Variants in DMD observed in about 807,000 individuals in gnomAD.
The protein encoded by DMD is dystrophin, also known as mutant dystrophin.
In DMD, 63 loss-of-function variants were observed where a neutral mutation model predicts 330.1. The observed-to-expected ratio is 0.19, with a 90% CI of 0.16 to 0.24. The LOEUF is 0.24. DMD is among the 10% of genes least tolerant of loss of function. The pLI is 1.00. For missense variants in DMD, 3,344 were observed against 2,684.1 expected (o/e 1.25, Z -5.43); for synonymous variants, 1,223 against 959.8 (o/e 1.27, Z -5.07).
At chrX:32,739,968 C>T (rs1249519535) in intron 7 of DMD, among the ~76,000 whole-genome samples, 1 of 110,336 alleles carries the variant, frequency 9.1e-6, no homozygotes, top group African/African-American at 3.3e-5. Context: ...GCCATTAAGT[C>T]TATTCACCAA....
At chrX:32,031,332 T>G (rs890784855) in intron 44 of DMD, among the ~76,000 whole-genome samples, 1 of 111,420 alleles carries the variant, frequency 9.0e-6, no homozygotes, top group African/African-American at 3.3e-5. Context: ...TCCTTGATTT[T>G]TATTAGTCCA....
rs138869877 is a variant in DMD, at chrX:32,905,140, A to G, written c.94-55320T>C. ...AATTTTACATTATTTTGCGACAGAA[A>G]TACAAGTTTTGTTACTGATTAGAGA... On this transcript the variant is annotated intron_variant, in intron 2 of 78. Transcript: ENST00000357033. Among the ~76,000 whole-genome samples the G allele has an allele frequency of 3.5e-3, 391 of 111,990 alleles. 1 individual carries two copies. Among genetic ancestry groups the G allele is most frequent in the African/African-American group, 0.012 (366 of 30,812 alleles).
intron 38 of DMD, 112 bp downstream of exon 38, chrX:32,348,294 C>A (rs2097770591): frequency 1.3e-6 from 1 of 775,648 alleles, no homozygotes; most frequent in Middle Eastern, 3.0e-4. Flanking sequence ...TCATTAGAAT[C>A]ATAAAATGTG....
At chrX:31,756,163 A>C (rs113556416) in intron 51 of DMD, among the ~76,000 whole-genome samples, 2 of 111,305 alleles carry the variant, frequency 1.8e-5, no homozygotes, top group African/African-American at 6.5e-5. Context: ...CTGGGGGCTC[A>C]TCTGAGCTGC....
chrX:32,544,468 G>C (rs1343098561), intron 17 of DMD, among the ~76,000 whole-genome samples: 1 of 111,327 alleles, frequency 9.0e-6, no homozygotes, highest in Non-Finnish European at 1.9e-5. Context: ...GAATGAAAGG[G>C]AAATTGTACC....
chrX:33,076,303 G>A (rs1033442190), intron 1 of DMD, among the ~76,000 whole-genome samples: 3 of 111,633 alleles, frequency 2.7e-5, no homozygotes, highest in South Asian at 3.7e-4. Context: ...TAAAACTCCA[G>A]TCTCCCATAC....
chrX:32,120,320 T>G (rs1001568310), intron 44 of DMD, among the ~76,000 whole-genome samples: 1 of 111,950 alleles, frequency 8.9e-6, no homozygotes, highest in Non-Finnish European at 1.9e-5. Flanking sequence ...GAAATGCAAA[T>G]TCTGGACCTG....
At chrX:31,171,234 A>G (rs1334734839) in intron 73 of DMD, among the ~76,000 whole-genome samples, 1 of 112,115 alleles carries the variant, frequency 8.9e-6, no homozygotes, top group Non-Finnish European at 1.9e-5. Flanking sequence ...TCATATACAA[A>G]TGACTGAGGG....
intron 52 of DMD, among the ~76,000 whole-genome samples, chrX:31,694,933 GA>G (rs2083361349): frequency 9.1e-6 from 1 of 109,816 alleles, no homozygotes. Flanking sequence ...ATACTCAAAA[GA>G]AAAGGAGGGA....
At chrX:33,254,778 A>G (rs2052829166) in intron 1 of DMD, among the ~76,000 whole-genome samples, 1 of 110,561 alleles carries the variant, frequency 9.0e-6, no homozygotes, top group South Asian at 3.7e-4. Flanking sequence ...GGTTTTGGAT[A>G]AAGGTTTTGA....
intron 12 of DMD, among the ~76,000 whole-genome samples, chrX:32,604,415 C>T (rs1156717984): frequency 9.1e-6 from 1 of 109,962 alleles, no homozygotes; most frequent in Non-Finnish European, 1.9e-5. Context: ...TAACAAAAGT[C>T]ATATATGACA....
At chrX:31,155,116 T>C (rs2037952300) in intron 74 of DMD, among the ~76,000 whole-genome samples, 1 of 112,612 alleles carries the variant, frequency 8.9e-6, no homozygotes, top group East Asian at 2.8e-4. Context: ...TTCCCTTAAC[T>C]CAACCTGCTG....
intron 60 of DMD, among the ~76,000 whole-genome samples, chrX:31,409,586 A>G (rs1419374059): frequency 1.8e-5 from 2 of 112,119 alleles, no homozygotes; most frequent in Admixed American, 1.9e-4. Flanking sequence ...AGTATAAGTA[A>G]TAGCTACTGA....
At chrX:33,312,535 C>T (rs2053865888) in intron 1 of DMD, among the ~76,000 whole-genome samples, 1 of 111,501 alleles carries the variant, frequency 9.0e-6, no homozygotes, top group African/African-American at 3.3e-5. Flanking sequence ...AAAGTGTAGA[C>T]CCTACACTAT....
intron 11 of DMD, among the ~76,000 whole-genome samples, chrX:32,638,350 A>G (rs773280201): frequency 8.9e-6 from 1 of 112,248 alleles, no homozygotes; most frequent in South Asian, 3.7e-4. Flanking sequence ...ATAGAAAAAT[A>G]GGAACAGAAG....
In DMD at chrX:32,756,677, C is replaced by G. The variant is rs773640693; in HGVS notation, c.649+52816G>C. Among the ~76,000 whole-genome samples, 3 of 111,945 alleles carry G rather than the reference C, an allele frequency of 2.7e-5. No homozygotes were observed. The East Asian group carries it at 8.5e-4, about 32-fold the overall frequency. On this transcript the variant is annotated intron_variant, in intron 7 of 78. Transcript: ENST00000357033. ...AGGGACATTCCAAGGACAATCACTA[C>G]TTCAGCCTTTAATCTTCTGGATAAC...
At chrX:32,575,049 C>A (rs1225422320) in intron 13 of DMD, among the ~76,000 whole-genome samples, 3 of 110,601 alleles carry the variant, frequency 2.7e-5, no homozygotes, top group Non-Finnish European at 5.7e-5. Context: ...AGGCATCCAC[C>A]ACCATGTCTG....
chrX:32,386,809 G>C (rs1350777975), intron 32 of DMD, among the ~76,000 whole-genome samples: 2 of 109,471 alleles, frequency 1.8e-5, no homozygotes, highest in South Asian at 7.8e-4. Flanking sequence ...TTAAATGTTG[G>C]AGTTATATAA....
chrX:32,288,270 T>G (rs2097451373), intron 42 of DMD, among the ~76,000 whole-genome samples: 1 of 111,744 alleles, frequency 8.9e-6, no homozygotes, highest in Non-Finnish European at 1.9e-5. Flanking sequence ...GATTCCCTCA[T>G]TTCAGTAAAT....
Sources: allele counts gnomAD v4.1 joint callset (sites outside exome capture counted in the v4.1 genomes callset), GRCh38; gene constraint gnomAD v4.1.1; transcripts MANE v1.5; gene names NCBI Gene and HGNC (gene_info 2026-07-23, HGNC 2026-07-21).